Variants in SYN3 observed in about 807,000 individuals in gnomAD.
SYN3 encodes the protein synapsin III.
A neutral mutation model predicts 65.8 loss-of-function variants in SYN3; 35 were observed. The observed-to-expected ratio is 0.53, with a 90% confidence interval of 0.41 to 0.70. SYN3 has a LOEUF of 0.70. Ranked by LOEUF, SYN3 falls within the 30% of genes least tolerant of loss-of-function variation. The probability of loss-of-function intolerance (pLI) is 0.00; values close to 1 mark genes in which losing one functional copy is unlikely to be tolerated. For missense variants in SYN3, 680 were observed against 749.0 expected, an observed-to-expected ratio of 0.91 and a Z score of 1.08; for synonymous variants, 270 against 292.9, an observed-to-expected ratio of 0.92 and a Z score of 0.80.
intron 2 of SYN3, among the ~76,000 whole-genome samples, chr22:32,988,307 A>AAATAATAAT (rs58058197): frequency 0.069 from 9,839 of 142,320 alleles, 402 homozygotes; most frequent in East Asian, 0.13. Flanking sequence ...CTCTGTCTCA[A>AAATAATAAT]AATAATAATA....
chr22:32,575,686 G>C (rs1245729128), intron 7 of SYN3, among the ~76,000 whole-genome samples: 3 of 152,110 alleles, frequency 2.0e-5, no homozygotes, highest in Non-Finnish European at 4.4e-5. Flanking sequence ...TCACTTTTAG[G>C]ACATTCTTAT....
intron 4 of SYN3, 119 bp downstream of exon 4, chr22:32,931,271 G>A (rs1490046511): frequency 1.2e-5 from 8 of 688,624 alleles, no homozygotes; most frequent in Non-Finnish European, 2.1e-5. Flanking sequence ...CAGACATTCT[G>A]TACAGGAAAG....
chr22:32,844,048 ACTCC>A (rs1362510646), intron 6 of SYN3, among the ~76,000 whole-genome samples: 3 of 151,924 alleles, frequency 2.0e-5, no homozygotes, highest in Non-Finnish European at 2.9e-5. Context: ...TGGAACCTGG[ACTCC>A]TAAGTTAGTA....
chr22:32,545,884 A>G (rs1372963784), intron 7 of SYN3, among the ~76,000 whole-genome samples: 1 of 152,084 alleles, frequency 6.6e-6, no homozygotes, highest in East Asian at 1.9e-4. Flanking sequence ...AAGCTTCAGG[A>G]GAGGCCCTGG....
At chr22:32,725,215 C>T (rs1378738549) in intron 6 of SYN3, among the ~76,000 whole-genome samples, 4 of 152,138 alleles carry the variant, frequency 2.6e-5, no homozygotes, top group African/African-American at 9.7e-5. Context: ...TTTCTTTCCA[C>T]CACAGCAGGT....
chr22:33,031,395 A>G (rs2053753235), intron 1 of SYN3, among the ~76,000 whole-genome samples: 1 of 151,832 alleles, frequency 6.6e-6, no homozygotes, highest in Non-Finnish European at 1.5e-5. Context: ...GACCCCGACC[A>G]CCACCAACCC....
rs1418864454 is a variant in SYN3 at position 32,913,400 on chromosome 22, C to T, written c.461+17990G>A. ...GTCTCGATCTCCTGACCTCGTGATC[C>T]GCCCACCTCGGCCTCCCAAAGTGCT... On this transcript the variant is annotated intron_variant, in intron 4 of 13. Transcript: ENST00000358763. Among the ~76,000 whole-genome samples, 6 of 151,996 alleles carry T rather than the reference C, an allele frequency of 3.9e-5. No individual in the cohort carries two copies. In the East Asian group the frequency reaches 7.8e-4, roughly 20 times the overall value.
intron 1 of SYN3, among the ~76,000 whole-genome samples, chr22:33,028,461 T>C (rs1300265240): frequency 6.6e-6 from 1 of 152,100 alleles, no homozygotes; most frequent in African/African-American, 2.4e-5. Flanking sequence ...CAGCAAAGCA[T>C]TTGAATTGCT....
At chr22:32,747,659 T>A (rs1420579483) in intron 6 of SYN3, among the ~76,000 whole-genome samples, 1 of 152,174 alleles carries the variant, frequency 6.6e-6, no homozygotes, top group Non-Finnish European at 1.5e-5. Flanking sequence ...GATGTGAGAC[T>A]CCAGAGTCTG....
At position 32,535,785 on chromosome 22, in the gene SYN3, G is replaced by GC. The variant is rs566555253; in HGVS notation, c.993-1891_993-1890insG. Among the ~76,000 whole-genome samples, 6 of 152,194 alleles carry GC rather than the reference G, an allele frequency of 3.9e-5. 1 individual carries two copies. Among genetic ancestry groups the GC allele is most frequent in the Admixed American group, 2.0e-4 (3 of 15,296 alleles). On this transcript the variant is annotated intron_variant, in intron 9 of 13. Coordinates refer to ENST00000358763, the MANE Select transcript of SYN3 (RefSeq NM_003490.4). ...GCGTGAGAGTGCTTGGAGAATCGGG[G>GC]GGGGGGCCCTGCTCCCCTCCTGCCA...
intron 2 of SYN3, among the ~76,000 whole-genome samples, chr22:32,988,308 A>AATAATG (rs781623517): frequency 0.11 from 1,509 of 13,386 alleles, 11 homozygotes; most frequent in Non-Finnish European, 0.13. Context: ...TCTGTCTCAA[A>AATAATG]ATAATAATAA....
chr22:32,745,437 C>T (rs905178144), intron 6 of SYN3, among the ~76,000 whole-genome samples: 6 of 152,206 alleles, frequency 3.9e-5, no homozygotes, highest in Non-Finnish European at 8.8e-5. Context: ...TGACCAATGC[C>T]TCCTGTTTGT....
chr22:32,609,437 G>A (rs2059412264), intron 6 of SYN3, among the ~76,000 whole-genome samples: 1 of 150,136 alleles, frequency 6.7e-6, no homozygotes, highest in Non-Finnish European at 1.5e-5. Flanking sequence ...TACCTGTGCA[G>A]AAATATACTT....
At chr22:32,563,209 T>C (rs2058612244) in intron 7 of SYN3, among the ~76,000 whole-genome samples, 1 of 152,336 alleles carries the variant, frequency 6.6e-6, no homozygotes, top group African/African-American at 2.4e-5. Flanking sequence ...CATGGGAAGT[T>C]CTCCAGGCAG....
chr22:32,788,670 G>A (rs1268164319), intron 6 of SYN3, among the ~76,000 whole-genome samples: 1 of 136,540 alleles, frequency 7.3e-6, no homozygotes, highest in African/African-American at 2.6e-5. Context: ...TTTAGATTAT[G>A]TGCAAATACT....
chr22:32,818,985 C>A (rs566662355), intron 6 of SYN3, among the ~76,000 whole-genome samples: 1 of 152,364 alleles, frequency 6.6e-6, no homozygotes, highest in South Asian at 2.1e-4. Context: ...GCCTCCTCCT[C>A]CTCTGACACA....
chr22:32,608,402 GTTC>G (rs1212277402), intron 6 of SYN3, among the ~76,000 whole-genome samples: 3 of 152,278 alleles, frequency 2.0e-5, no homozygotes, highest in East Asian at 1.9e-4. Flanking sequence ...GGGAATTACT[GTTC>G]TTCTTAGTTA....
At position 32,646,692 on chromosome 22, in the gene SYN3, C is replaced by T. The variant is rs540313226; in HGVS notation, c.712-49956G>A. Among the ~76,000 whole-genome samples, 25 of 152,212 alleles carry T rather than the reference C, an allele frequency of 1.6e-4. No individual in the cohort carries two copies. The South Asian group carries it at 4.0e-3, about 24-fold the overall frequency. On this transcript the variant is annotated intron_variant, in intron 6 of 13. Transcript: ENST00000358763. ...TGCAAACTATGAGTAAGGGTTTTCT[C>T]GGGTTTGAGTCAAGGATTGAGGCAC...
chr22:32,788,236 C>G (rs2046240022), intron 6 of SYN3, among the ~76,000 whole-genome samples: 1 of 135,922 alleles, frequency 7.4e-6, no homozygotes, highest in Non-Finnish European at 1.6e-5. Context: ...AACAATACGA[C>G]TATATTAAAA....
Sources: allele counts gnomAD v4.1 joint callset (sites outside exome capture counted in the v4.1 genomes callset), GRCh38; gene constraint gnomAD v4.1.1; transcripts MANE v1.5; gene names NCBI Gene and HGNC (gene_info 2026-07-23, HGNC 2026-07-21).